PDCD6IP: variants seen among roughly 807,000 people sequenced by gnomAD.
The protein encoded by PDCD6IP is programmed cell death 6-interacting protein.
A neutral mutation model predicts 103.7 loss-of-function variants in PDCD6IP; 43 were observed. That is an observed-to-expected ratio of 0.41 (90% confidence interval 0.32 to 0.53). The LOEUF (loss-of-function observed/expected upper bound fraction) is 0.53. PDCD6IP is among the 20% of genes least tolerant of loss of function. The probability of loss-of-function intolerance (pLI) is 0.16; values close to 1 mark genes in which losing one functional copy is unlikely to be tolerated. For synonymous variants in PDCD6IP, 354 were observed against 378.7 expected (o/e 0.93, Z 0.76); for missense variants, 871 against 1,036.7 (o/e 0.84, Z 2.20).
In PDCD6IP at chr3:33,858,052, A is replaced by G. The variant is rs190217448; in HGVS notation, c.2120+2792A>G. Among the ~76,000 whole-genome samples the G allele has an allele frequency of 1.3e-3, 193 of 152,328 alleles. 1 individual carries two copies. The highest frequency in any genetic ancestry group is 4.6e-3 in the African/African-American group (190 of 41,584). ...CTACTTGAAAACCCAAGAGAACCCCAAAACTCTGCAAATAATAAAATTATT... is the reference window on the plus strand; with the variant it reads ...CTACTTGAAAACCCAAGAGAACCCCGAAACTCTGCAAATAATAAAATTATT... On this transcript the variant is annotated intron_variant, in intron 15 of 17. Coordinates refer to ENST00000307296, the MANE Select transcript of PDCD6IP (RefSeq NM_013374.6).
chr3:33,829,064 C>T (rs935110895), intron 7 of PDCD6IP, 95 bp downstream of exon 7: 11 of 898,800 alleles, frequency 1.2e-5, no homozygotes, highest in East Asian at 2.8e-5. Flanking sequence ...AAACCTTTCC[C>T]GTTCATCACC....
At chr3:33,851,350 G>T (rs1697708813) in intron 12 of PDCD6IP, among the ~76,000 whole-genome samples, 2 of 152,026 alleles carry the variant, frequency 1.3e-5, no homozygotes, top group Non-Finnish European at 2.9e-5. Context: ...AGTGAAAGGG[G>T]CAGCTTGAAA....
At chr3:33,833,403 G>A (rs1460562654) in intron 7 of PDCD6IP, among the ~76,000 whole-genome samples, 1 of 151,840 alleles carries the variant, frequency 6.6e-6, no homozygotes, top group Non-Finnish European at 1.5e-5. Flanking sequence ...CCCAACTTCT[G>A]TGTTGTTTTC....
chr3:33,842,154 C>A, intron 10 of PDCD6IP, 80 bp downstream of exon 10: 1 of 914,212 alleles, frequency 1.1e-6, no homozygotes, highest in African/African-American at 1.6e-5. Context: ...CTGGAGACTT[C>A]CTCATGCTAG....
intron 7 of PDCD6IP, among the ~76,000 whole-genome samples, chr3:33,829,868 A>G (rs902632978): frequency 1.3e-5 from 2 of 152,166 alleles, no homozygotes; most frequent in Non-Finnish European, 2.9e-5. Flanking sequence ...GCATCTGGTG[A>G]GGGCCTTTGT....
Position 33,841,994 on chromosome 3 carries a change from C to A in PDCD6IP, c.1279C>A (p.Gln427Lys). ...GACTAAATCCAGATCTGTGATTGAA[C>A]AGGGAGGCATCCAGACTGTTGATCA... is the stretch of plus-strand genomic sequence containing the variant. ...ILTKSRSVIE[Q>K]GGIQTVDQLI... Residue 427 changes from glutamine to lysine, a missense_variant, in exon 10 of 18, where the codon CAG (glutamine) becomes AAG (lysine). Coordinates refer to ENST00000307296, the MANE Select transcript of PDCD6IP (RefSeq NM_013374.6). 4 of 1,606,302 alleles carry A rather than the reference C, an allele frequency of 2.5e-6. No homozygotes were observed. The highest frequency in any genetic ancestry group is 3.4e-6 in the Non-Finnish European group (4 of 1,172,964).
In PDCD6IP at chr3:33,798,912, G is replaced by A. The variant is rs761135925; in HGVS notation, c.184G>A (p.Glu62Lys). The change falls in exon 1 of 18, where the codon GAG becomes AAG. Residue 62 changes from glutamate (E) to lysine (K), a missense_variant. Around this residue, in one of 5 missense-constraint regions of PDCD6IP, gnomAD observed 114 missense variants for 106.7 expected, o/e 1.07. Transcript: ENST00000307296. ...AAVGRPLDKH[E>K]GALETLLRYY... Reference sequence around the variant, plus strand: ...AGTCGGTCGTCCGCTGGACAAGCACGAGGGCGCGCTCGAGACGCTCCTGAG... The same window carrying A: ...AGTCGGTCGTCCGCTGGACAAGCACAAGGGCGCGCTCGAGACGCTCCTGAG... The A allele has an allele frequency of 4.5e-6, 7 of 1,541,782 alleles. No individual in the cohort carries two copies. The highest frequency in any genetic ancestry group is 5.3e-6 in the Non-Finnish European group (6 of 1,140,552).
At chr3:33,839,848 G>A (rs9842512) in intron 9 of PDCD6IP, among the ~76,000 whole-genome samples, 44,475 of 152,018 alleles carry the variant, frequency 0.29, 6,745 homozygotes, top group East Asian at 0.41. Context: ...TCTCCTAATT[G>A]CTAATGATAC....
At position 33,853,978 on chromosome 3, in the gene PDCD6IP, G is replaced by C; in HGVS notation, c.1990G>C (p.Val664Leu). Residue 664 changes from valine (V) to leucine (L), a missense_variant, in exon 14 of 18, where the codon GTT (valine) becomes CTT (leucine). Physicochemically the swap from Val to Leu is conservative, Grantham distance 32. Around this residue, in one of 5 missense-constraint regions of PDCD6IP, gnomAD observed 266 missense variants for 390.5 expected, o/e 0.68. Coordinates refer to ENST00000307296, the MANE Select transcript of PDCD6IP (RefSeq NM_013374.6). ...TTTAGCTACTGCATATGACAACTTT[G>C]TTGAACTTGTAGCTAATTTGAAGGA... ...KNLATAYDNF[V>L]ELVANLKEGT... 6.3e-7 allele frequency: 1 copy of C among 1,585,686 alleles called. No individual in the cohort carries two copies. Among genetic ancestry groups the C allele is most frequent in the Non-Finnish European group, 8.5e-7 (1 of 1,170,854 alleles).
chr3:33,837,224 T>C (rs1697370273), intron 8 of PDCD6IP, among the ~76,000 whole-genome samples: 1 of 152,148 alleles, frequency 6.6e-6, no homozygotes, highest in Non-Finnish European at 1.5e-5. Flanking sequence ...CCGGCCTATT[T>C]CTTTAAACAT....
chr3:33,840,922 A>G (rs1370585610), intron 9 of PDCD6IP, among the ~76,000 whole-genome samples: 1 of 152,148 alleles, frequency 6.6e-6, no homozygotes, highest in African/African-American at 2.4e-5. Flanking sequence ...CTTTTTTAGG[A>G]TAGAATTTTT....
At position 33,844,193 on chromosome 3, in the gene PDCD6IP, T is replaced by C. The variant is rs377593608; in HGVS notation, c.1441T>C (p.Ser481Pro). ...TAAGGAACGTTGGCAAAGGACACCA[T>C]CCAATGAACTGTATAAGCCTTTAAG... The part of the protein sequence containing the change: ...KFKERWQRTP[S>P]NELYKPLRAE... Residue 481 changes from serine to proline, a missense_variant, in exon 11 of 18, where the codon TCC becomes CCC. Ser to Pro is a moderately conservative substitution (Grantham distance 74, BLOSUM62 -1). This residue lies in a region of PDCD6IP where 266 missense variants were observed against 390.5 expected (regional missense o/e 0.68). Coordinates refer to ENST00000307296, the MANE Select transcript of PDCD6IP (RefSeq NM_013374.6). 1.2e-5 allele frequency: 20 copies of C among 1,601,988 alleles called. No homozygotes were observed. Among genetic ancestry groups the C allele is most frequent in the Non-Finnish European group, 1.6e-5 (19 of 1,176,292 alleles).
intron 8 of PDCD6IP, among the ~76,000 whole-genome samples, chr3:33,837,180 A>G (rs1481942734): frequency 1.3e-5 from 2 of 152,046 alleles, no homozygotes; most frequent in African/African-American, 4.8e-5. Flanking sequence ...TCAGCCTCCC[A>G]AAGTGCTTGG....
chr3:33,810,896 A>ATTT lies in PDCD6IP; in HGVS notation c.210-1161_210-1159dup, dbSNP rs772180215. 5.5e-4 allele frequency among the ~76,000 whole-genome samples: 76 copies of ATTT among 138,120 alleles called. 1 individual carries two copies. Among genetic ancestry groups the ATTT allele is most frequent in the East Asian group, 2.9e-3 (14 of 4,756 alleles). 90.6% of individuals were successfully genotyped at this position (138,120 alleles called of 152,430 possible). ...ACCTTCTGCCTTCTCATGTTTGTGG[A>ATTT]TTTTTTTTTTTTTTTTTGAGACAGG... On this transcript the variant is annotated intron_variant, in intron 1 of 17. Transcript: ENST00000307296.
At chr3:33,799,809 A>C (rs1320240675) in intron 1 of PDCD6IP, among the ~76,000 whole-genome samples, 1 of 152,214 alleles carries the variant, frequency 6.6e-6, no homozygotes, top group Non-Finnish European at 1.5e-5. Context: ...ACCCAGGCTA[A>C]ACTAGCTTGA....
chr3:33,829,103 T>A, intron 7 of PDCD6IP, 134 bp downstream of exon 7: 1 of 536,940 alleles, frequency 1.9e-6, no homozygotes, highest in Admixed American at 3.8e-5. Flanking sequence ...TGATTGTTTT[T>A]ATCTTTAGAC....
At chr3:33,817,250 C>G (rs1029824248) in intron 3 of PDCD6IP, among the ~76,000 whole-genome samples, 1 of 152,130 alleles carries the variant, frequency 6.6e-6, no homozygotes, top group African/African-American at 2.4e-5. Flanking sequence ...TCGAGTTGTG[C>G]ACTCCAGGCA....
rs767108452 is a variant in PDCD6IP at position 33,836,203 on chromosome 3, A to G, written c.994A>G (p.Ile332Val). The change falls in exon 8 of 18, where the codon ATT (isoleucine) becomes GTT (valine). Residue 332 changes from isoleucine (I) to valine (V), a missense_variant. Physicochemically the swap from Ile to Val is conservative, Grantham distance 29 (BLOSUM62 3). Coordinates refer to ENST00000307296, the MANE Select transcript of PDCD6IP (RefSeq NM_013374.6). ...TCCAGACCTTAAAGATCTAGATCCT[A>G]TTGGCAAAGCCACACTTGTGAAATC... ...RVPDLKDLDP[I>V]GKATLVKSTP... is the part of the protein sequence containing the mutation. The G allele has an allele frequency of 8.1e-6, 13 of 1,613,610 alleles. No homozygotes were observed. Among genetic ancestry groups the G allele is most frequent in the East Asian group, 2.2e-5 (1 of 44,864 alleles).
chr3:33,839,145 C>A (rs972756843), intron 9 of PDCD6IP, among the ~76,000 whole-genome samples: 1 of 152,078 alleles, frequency 6.6e-6, no homozygotes, highest in East Asian at 1.9e-4. Flanking sequence ...CCCATGTAAC[C>A]GGCACTATGA....
Sources: gnomAD v4.1 joint callset for allele counts (sites outside exome capture counted in the v4.1 genomes callset) on GRCh38, gnomAD v4.1.1 for gene constraint, gnomAD v4.1.1 regional missense constraint, MANE v1.5 for transcripts, NCBI Gene and HGNC (gene_info 2026-07-23, HGNC 2026-07-21) for gene names.